The following RFX3 variants were observed in gnomAD, a reference collection of about 807,000 sequenced individuals.
RFX3 encodes the protein regulatory factor X3.
Under a neutral mutation model 98.6 loss-of-function variants are expected in RFX3, and 14 were observed. The ratio of observed to expected loss-of-function variants is 0.14; its 90% confidence interval spans 0.09 to 0.22. RFX3 has a LOEUF of 0.22. Ranked by LOEUF, RFX3 falls within the 10% of genes least tolerant of loss-of-function variation. The pLI is 1.00. For missense variants in RFX3, 639 were observed against 926.9 expected, an observed-to-expected ratio of 0.69 and a Z score of 4.03; for synonymous variants, 383 against 328.4, an observed-to-expected ratio of 1.17 and a Z score of -1.80.
chr9:3,398,914 T>TAAAA (rs71324247), intron 1 of RFX3, among the ~76,000 whole-genome samples: 2,007 of 67,434 alleles, frequency 0.03, 110 homozygotes, highest in African/African-American at 0.075. Flanking sequence ...TAGAGTATAA[T>TAAAA]AAAAAAAAAA....
intron 2 of RFX3, among the ~76,000 whole-genome samples, chr9:3,363,805 A>G (rs1836745609): frequency 6.6e-6 from 1 of 152,236 alleles, no homozygotes; most frequent in South Asian, 2.1e-4. Context: ...TGTTTCCCCA[A>G]ATATGGGAAT....
chr9:3,437,363 A>C (rs1587674808), intron 1 of RFX3, among the ~76,000 whole-genome samples: 1 of 152,140 alleles, frequency 6.6e-6, no homozygotes, highest in Non-Finnish European at 1.5e-5. Context: ...TAAACAGGGC[A>C]GAAAGCACCT....
chr9:3,252,923 G>A (rs955910606), intron 14 of RFX3, among the ~76,000 whole-genome samples: 44 of 152,130 alleles, frequency 2.9e-4, no homozygotes, highest in African/African-American at 8.9e-4. Context: ...TTAACGCTAT[G>A]TCTACTTTAT....
intron 2 of RFX3, among the ~76,000 whole-genome samples, chr9:3,375,319 T>C (rs1838343360): frequency 6.6e-6 from 1 of 152,204 alleles, no homozygotes; most frequent in Middle Eastern, 3.2e-3. Flanking sequence ...ATGTCTGCCA[T>C]TTTACTTTGA....
intron 1 of RFX3, among the ~76,000 whole-genome samples, chr9:3,489,139 T>C (rs1850525408): frequency 2.0e-5 from 3 of 152,188 alleles, no homozygotes; most frequent in South Asian, 2.1e-4. Context: ...ATTTTAATAA[T>C]ATAAGCTTCA....
Position 3,460,715 on chromosome 9 carries a change from C to T in RFX3, c.-9+65032G>A, listed in dbSNP as rs1354294676. Among the ~76,000 whole-genome samples, 4 of 151,922 alleles carry T rather than the reference C, an allele frequency of 2.6e-5. No individual in the cohort carries two copies. The South Asian group carries it at 6.2e-4, about 24-fold the overall frequency. On this transcript the variant is annotated intron_variant, in intron 1 of 16. Coordinates refer to ENST00000617270, the MANE Select transcript of RFX3 (RefSeq NM_001282116.2). Reference sequence around the variant, plus strand: ...CCCTTAATCCCAACCCAACCCCACCCCAGGCTTAGGTAGTTATAGGCTACA... The same window carrying T: ...CCCTTAATCCCAACCCAACCCCACCTCAGGCTTAGGTAGTTATAGGCTACA...
intron 6 of RFX3, 39 bp from the exon 7 acceptor site, chr9:3,288,289 G>A: frequency 6.3e-7 from 1 of 1,595,326 alleles, no homozygotes; most frequent in Non-Finnish European, 8.6e-7. Context: ...ACAAAAGTCA[G>A]TCAAACTAAT....
intron 6 of RFX3, 80 bp from the exon 7 acceptor site, chr9:3,288,330 A>G: frequency 3.0e-6 from 4 of 1,336,096 alleles, no homozygotes; most frequent in Non-Finnish European, 4.2e-6. Context: ...ATTAAACTTC[A>G]CACTTGGAAA....
chr9:3,455,653 A>G (rs1847083444), intron 1 of RFX3, among the ~76,000 whole-genome samples: 2 of 152,334 alleles, frequency 1.3e-5, no homozygotes, highest in Middle Eastern at 3.4e-3. Flanking sequence ...ATATAGAACT[A>G]GGTTAATTCT....
At chr9:3,244,866 A>G (rs1004626408) in intron 15 of RFX3, among the ~76,000 whole-genome samples, 1 of 152,220 alleles carries the variant, frequency 6.6e-6, no homozygotes, top group Non-Finnish European at 1.5e-5. Context: ...AAGGCTGGGT[A>G]AAAATCCATT....
chr9:3,285,341 T>C (rs895548897), intron 7 of RFX3, among the ~76,000 whole-genome samples: 4 of 151,892 alleles, frequency 2.6e-5, no homozygotes, highest in East Asian at 1.9e-4. Flanking sequence ...CTGTATTCAG[T>C]AGAATCATTT....
intron 1 of RFX3, among the ~76,000 whole-genome samples, chr9:3,428,977 A>T (rs1480955850): frequency 6.6e-6 from 1 of 152,012 alleles, no homozygotes; most frequent in Admixed American, 6.6e-5. Flanking sequence ...TAGGGCCCCA[A>T]AAACGTTTTA....
chr9:3,271,208 C>A, intron 9 of RFX3, 90 bp from the exon 10 acceptor site: 2 of 1,069,106 alleles, frequency 1.9e-6, no homozygotes, highest in South Asian at 1.4e-5. Context: ...TTTATATGGT[C>A]AAGTTCTCCC....
chr9:3,265,574 T>C (rs1434984312), intron 12 of RFX3, among the ~76,000 whole-genome samples: 1 of 152,208 alleles, frequency 6.6e-6, no homozygotes, highest in Non-Finnish European at 1.5e-5. Flanking sequence ...AATCTTGCTA[T>C]GAGGATATGT....
At chr9:3,352,622 C>A (rs1286470626) in intron 2 of RFX3, among the ~76,000 whole-genome samples, 1 of 151,986 alleles carries the variant, frequency 6.6e-6, no homozygotes, top group Non-Finnish European at 1.5e-5. Flanking sequence ...TCAGGCCATG[C>A]TGGAGTAAAT....
At chr9:3,473,873 A>C (rs574600499) in intron 1 of RFX3, among the ~76,000 whole-genome samples, 5 of 152,374 alleles carry the variant, frequency 3.3e-5, no homozygotes, top group African/African-American at 1.2e-4. Context: ...ACTGCAAAAT[A>C]CTGCTGTTGA....
intron 1 of RFX3, among the ~76,000 whole-genome samples, chr9:3,497,845 C>G (rs1173393902): frequency 2.0e-5 from 3 of 151,948 alleles, no homozygotes; most frequent in Admixed American, 6.6e-5. Context: ...TCAGAGTAAG[C>G]AGTGCCATTT....
intron 1 of RFX3, among the ~76,000 whole-genome samples, chr9:3,422,636 T>C (rs2132372348): frequency 6.6e-6 from 1 of 152,328 alleles, no homozygotes; most frequent in Admixed American, 6.5e-5. Flanking sequence ...GACTCCAAAA[T>C]AAGTCAGGCT....
At chr9:3,301,254 T>G (rs1157504832) in intron 5 of RFX3, among the ~76,000 whole-genome samples, 1 of 151,860 alleles carries the variant, frequency 6.6e-6, no homozygotes, top group Non-Finnish European at 1.5e-5. Flanking sequence ...TTTTAAATAT[T>G]GAAAATCACT....
Sources: allele counts gnomAD v4.1 joint callset (sites outside exome capture counted in the v4.1 genomes callset), GRCh38; gene constraint gnomAD v4.1.1; transcripts MANE v1.5; gene names NCBI Gene and HGNC (gene_info 2026-07-23, HGNC 2026-07-21).